The following EP300 variants were observed in gnomAD, a reference collection of about 807,000 sequenced individuals.
The protein encoded by EP300 is EP300 lysine acetyltransferase, also known as histone acetyltransferase p300.
Under a neutral mutation model 264.0 loss-of-function variants are expected in EP300, and 31 were observed. The ratio of observed to expected loss-of-function variants is 0.12; its 90% confidence interval spans 0.09 to 0.16. The LOEUF (loss-of-function observed/expected upper bound fraction) is 0.16, where lower values mean the gene tolerates loss of function less well. Ranked by LOEUF, EP300 falls within the 10% of genes least tolerant of loss-of-function variation. EP300 has a pLI of 1.00. For synonymous variants in EP300, 1,340 were observed against 1,045.4 expected, an observed-to-expected ratio of 1.28 and a Z score of -5.44; for missense variants, 2,766 against 3,052.9, an observed-to-expected ratio of 0.91 and a Z score of 2.21.
rs1601621514 is a variant in EP300 at position 41,152,286 on chromosome 22, G to C, written c.3078G>C (p.Glu1026Asp). 6.2e-7 allele frequency: 1 copy of C among 1,614,080 alleles called. No individual in the cohort carries two copies. Among genetic ancestry groups the C allele is most frequent in the Non-Finnish European group, 8.5e-7 (1 of 1,180,016 alleles). The change falls in exon 16 of 31, where the codon GAG becomes GAC. Residue 1026 changes from glutamate to aspartate, a missense_variant. Transcript: ENST00000263253. ...AGTTAAAAACTGAAATAAAAGAGGA[G>C]GAAGACCAGCCAAGTACTTCAGCTA... ...STELKTEIKE[E>D]EDQPSTSATQ...
chr22:41,176,174 C>A (rs2145511619), intron 29 of EP300, 73 bp from the exon 30 acceptor site: 1 of 1,568,532 alleles, frequency 6.4e-7, no homozygotes. Flanking sequence ...GAGCCAAGAT[C>A]ACGCCACTGC....
chr22:41,123,048 G>C (rs1433666333), intron 2 of EP300, among the ~76,000 whole-genome samples: 1 of 152,080 alleles, frequency 6.6e-6, no homozygotes, highest in Non-Finnish European at 1.5e-5. Flanking sequence ...TATATAAAAA[G>C]TAAAAGAAAA....
rs796399083 is a variant in EP300, at chr22:41,095,548, A to ATT, written c.94+2461_94+2462dup. ...GGCCAGAGGTACCATTATATCTTGA[A>ATT]TTTTTTTTTTTTGACATTCTGCAGT... On this transcript the variant is annotated intron_variant, in intron 1 of 30. Coordinates refer to ENST00000263253, the MANE Select transcript of EP300 (RefSeq NM_001429.4). Among the ~76,000 whole-genome samples, 118 of 145,954 alleles carry ATT rather than the reference A, an allele frequency of 8.1e-4. 1 individual carries two copies. The highest frequency in any genetic ancestry group is 2.8e-3 in the African/African-American group (112 of 40,190).
At chr22:41,100,410 C>G (rs1361190637) in intron 1 of EP300, among the ~76,000 whole-genome samples, 1 of 152,036 alleles carries the variant, frequency 6.6e-6, no homozygotes, top group Non-Finnish European at 1.5e-5. Context: ...AAGAGTAAGC[C>G]TTATGTCATC....
intron 8 of EP300, 97 bp downstream of exon 8, chr22:41,137,887 A>G (rs1270325238): frequency 2.1e-5 from 32 of 1,536,600 alleles, no homozygotes; most frequent in South Asian, 1.2e-4. Flanking sequence ...AATATTAGCA[A>G]TTTTTCTGTA....
intron 6 of EP300, among the ~76,000 whole-genome samples, chr22:41,133,980 A>G (rs1322259072): frequency 2.6e-5 from 4 of 152,212 alleles, no homozygotes; most frequent in African/African-American, 7.2e-5. Flanking sequence ...AATGCTAGAT[A>G]GTGACATGGA....
At chr22:41,142,655 G>A (rs2058989486) in intron 10 of EP300, among the ~76,000 whole-genome samples, 1 of 152,166 alleles carries the variant, frequency 6.6e-6, no homozygotes, top group African/African-American at 2.4e-5. Context: ...GGAGGCCGAG[G>A]CGGGTAGATC....
chr22:41,168,930 GA>G, intron 25 of EP300, 63 bp downstream of exon 25: 1 of 1,606,146 alleles, frequency 6.2e-7, no homozygotes. Context: ...ATAATAGGTG[GA>G]AAAGCATAAC....
intron 1 of EP300, among the ~76,000 whole-genome samples, chr22:41,111,853 T>C (rs533706026): frequency 6.7e-6 from 1 of 149,892 alleles, no homozygotes; most frequent in Non-Finnish European, 1.5e-5. Context: ...TTCTCTTTTT[T>C]TTTCTTTTTT....
At chr22:41,102,033 T>A (rs1032070107) in intron 1 of EP300, among the ~76,000 whole-genome samples, 1 of 150,550 alleles carries the variant, frequency 6.6e-6, no homozygotes, top group Non-Finnish European at 1.5e-5. Context: ...TCTTTTCTTT[T>A]TTTTTTTTTT....
chr22:41,093,647 C>G (rs911711113), intron 1 of EP300, among the ~76,000 whole-genome samples: 4 of 152,154 alleles, frequency 2.6e-5, no homozygotes, highest in African/African-American at 9.7e-5. Flanking sequence ...TTTTATCTTA[C>G]CTACCATTCT....
chr22:41,131,464 A>C lies in EP300; in HGVS notation c.1359A>C (p.Leu453=). The change falls in exon 6 of 31, where the codon CTA becomes CTC. Residue 453 remains leucine (L), a synonymous_variant. Coordinates refer to ENST00000263253, the MANE Select transcript of EP300 (RefSeq NM_001429.4). The part of the protein sequence containing the change: ...LGVGQQSAPN[L]STVSQIDPSS... ...TGGGTCAACAGTCTGCCCCCAACCT[A>C]AGCACTGTTAGTCAGATTGATCCCA... 1 of 1,614,056 alleles carries C rather than the reference A, an allele frequency of 6.2e-7. No individual in the cohort carries two copies.
intron 1 of EP300, among the ~76,000 whole-genome samples, chr22:41,113,170 C>A (rs983434307): frequency 2.0e-3 from 275 of 135,322 alleles, no homozygotes; most frequent in African/African-American, 7.0e-3. Flanking sequence ...CCCCCCCCAA[C>A]TTATGCTATG....
In EP300 at chr22:41,140,123, G is replaced by A. The variant is rs2058973446; in HGVS notation, c.1761-17G>A. 1 of 1,549,396 alleles carries A rather than the reference G, an allele frequency of 6.5e-7. No individual in the cohort carries two copies. Among genetic ancestry groups the A allele is most frequent in the South Asian group, 1.1e-5 (1 of 89,696 alleles). The stretch of plus-strand genomic sequence containing the variant: ...ATGCTGACATGATATTACAGTGGTA[G>A]GATTTTCTTTTTCCAGCGTCCAAGC... On this transcript the variant is annotated splice_polypyrimidine_tract_variant and intron_variant, in intron 8 of 30. Transcript: ENST00000263253.
In EP300 at chr22:41,178,940, C is replaced by A. The variant is rs1168095526; in HGVS notation, c.7229C>A (p.Thr2410Lys). The A allele has an allele frequency of 6.2e-7, 1 of 1,613,844 alleles. No homozygotes were observed. Among genetic ancestry groups the A allele is most frequent in the Admixed American group, 1.7e-5 (1 of 59,856 alleles). Reference protein sequence around the residue: ...SDLNSNLSQSTLDIH With the variant: ...SDLNSNLSQSKLDIH ...TTGAATTCAAACCTCTCACAGAGTA[C>A]ACTAGACATACACTAGAGACACCTT... is the stretch of plus-strand genomic sequence containing the variant. Residue 2410 changes from threonine (T) to lysine (K), a missense_variant, in exon 31 of 31, where the codon ACA (threonine) becomes AAA (lysine). Transcript: ENST00000263253.
At position 41,177,608 on chromosome 22, in the gene EP300, G is replaced by T. The variant is rs1165191542; in HGVS notation, c.5897G>T (p.Gly1966Val). The change falls in exon 31 of 31, where the codon GGT (glycine) becomes GTT (valine). Residue 1966 changes from glycine to valine, a missense_variant. Physicochemically the swap from Gly to Val is moderately radical, Grantham distance 109. Transcript: ENST00000263253. ...CCGATGACTCCCATGGCCCCCATGG[G>T]TATGAACCCACCTCCCATGACCAGA... ...MPPMTPMAPM[G>V]MNPPPMTRGP... is the part of the protein sequence containing the mutation. 3 of 1,613,998 alleles carry T rather than the reference G, an allele frequency of 1.9e-6. No individual in the cohort carries two copies. The East Asian group carries it at 6.7e-5, about 36-fold the overall frequency.
At chr22:41,157,505 G>T (rs2059083699) in intron 18 of EP300, 97 bp downstream of exon 18, 1,111 of 767,914 alleles carry the variant, frequency 1.4e-3, no homozygotes, top group Non-Finnish European at 2.0e-3. Context: ...TTCTGGCTTT[G>T]ACATGGCTTT....
At chr22:41,102,652 A>G (rs2058737924) in intron 1 of EP300, among the ~76,000 whole-genome samples, 1 of 152,218 alleles carries the variant, frequency 6.6e-6, no homozygotes, top group Non-Finnish European at 1.5e-5. Flanking sequence ...AGGGAAAAAC[A>G]GGAGGCAGGG....
intron 28 of EP300, 36 bp from the exon 29 acceptor site, chr22:41,173,587 A>C (rs1033427411): frequency 2.5e-6 from 4 of 1,612,358 alleles, no homozygotes; most frequent in Middle Eastern, 3.3e-4. Context: ...CTTAACAAAA[A>C]CCTTATTTTC....
Sources: gnomAD v4.1 joint callset for allele counts (sites outside exome capture counted in the v4.1 genomes callset) on GRCh38, gnomAD v4.1.1 for gene constraint, MANE v1.5 for transcripts, NCBI Gene and HGNC (gene_info 2026-07-23, HGNC 2026-07-21) for gene names.